Variants in SYNPO2 observed in about 807,000 individuals in gnomAD.
SYNPO2 encodes the protein synaptopodin-2.
A neutral mutation model predicts 85.0 loss-of-function variants in SYNPO2; 56 were observed. The observed-to-expected ratio is 0.66, with a 90% confidence interval of 0.53 to 0.82. SYNPO2 has a LOEUF of 0.82. Ranked by LOEUF, SYNPO2 falls within the 40% of genes least tolerant of loss-of-function variation. SYNPO2 has a pLI of 0.00. For missense variants in SYNPO2, 1,575 were observed against 1,534.2 expected (o/e 1.03, Z -0.44); for synonymous variants, 602 against 591.1 (o/e 1.02, Z -0.27).
intron 4 of SYNPO2, chr4:119,042,649 G>A (rs1296040369): frequency 6.6e-6 from 1 of 152,176 alleles, no homozygotes; most frequent in Non-Finnish European, 1.5e-5. Context: ...TGCATCATAG[G>A]GAAAGAGCCC....
rs901787028 is a variant in SYNPO2 at position 119,006,737 on chromosome 4, T to A, written c.106-16693T>A. Among the ~76,000 whole-genome samples, 3 of 152,288 alleles carry A rather than the reference T, an allele frequency of 2.0e-5. No individual in the cohort carries two copies. The South Asian group carries it at 6.2e-4, about 32-fold the overall frequency. ...TTATAACACTTGTAAAATTTAATTT[T>A]TTATGGATACATCTGGAAGTAGCTG... On this transcript the variant is annotated intron_variant, in intron 1 of 4. Coordinates refer to ENST00000307142, the MANE Select transcript of SYNPO2 (RefSeq NM_133477.3).
chr4:118,942,620 T>C (rs921077678), intron 1 of SYNPO2, among the ~76,000 whole-genome samples: 26 of 152,196 alleles, frequency 1.7e-4, no homozygotes, highest in African/African-American at 6.0e-4. Context: ...ATAAAGAGAA[T>C]GACTCATCTC....
Position 119,023,529 on chromosome 4 carries a change from G to A in SYNPO2, c.205G>A (p.Val69Ile). The change falls in exon 2 of 5, where the codon GTC (valine) becomes ATC (isoleucine). Residue 69 changes from valine to isoleucine, a missense_variant. Transcript: ENST00000307142. ...NPCADLTYPE[V>I]IKLMESITDS... Reference sequence around the variant, plus strand: ...TTGTGCAGATCTCACCTACCCTGAAGTCATCAAGCTCATGGAAAGCATAAC... The same window carrying A: ...TTGTGCAGATCTCACCTACCCTGAAATCATCAAGCTCATGGAAAGCATAAC... 1 of 1,613,516 alleles carries A rather than the reference G, an allele frequency of 6.2e-7. No homozygotes were observed. Among genetic ancestry groups the A allele is most frequent in the Non-Finnish European group, 8.5e-7 (1 of 1,179,744 alleles).
chr4:119,010,921 G>A (rs1168101313), intron 1 of SYNPO2, among the ~76,000 whole-genome samples: 1 of 152,242 alleles, frequency 6.6e-6, no homozygotes, highest in Non-Finnish European at 1.5e-5. Context: ...AGAGAGAGTA[G>A]CTGAGGGTTC....
At chr4:118,932,850 G>C (rs1560880367) in intron 1 of SYNPO2, among the ~76,000 whole-genome samples, 2 of 152,098 alleles carry the variant, frequency 1.3e-5, no homozygotes, top group Non-Finnish European at 2.9e-5. Context: ...GACTATGTGT[G>C]GTCCCTACAA....
At chr4:119,009,875 A>G (rs749830960) in intron 1 of SYNPO2, among the ~76,000 whole-genome samples, 4 of 152,226 alleles carry the variant, frequency 2.6e-5, no homozygotes, top group African/African-American at 4.8e-5. Context: ...GATCTCGTTA[A>G]AATGAAGATG....
chr4:118,864,868 A>C (rs762910988), intron 1 of SYNPO2, among the ~76,000 whole-genome samples: 6 of 152,124 alleles, frequency 3.9e-5, no homozygotes, highest in Non-Finnish European at 8.8e-5. Flanking sequence ...TTGCAGGCCA[A>C]GTTACAATAA....
intron 1 of SYNPO2, among the ~76,000 whole-genome samples, chr4:118,851,901 C>T (rs1268107081): frequency 6.8e-6 from 1 of 147,548 alleles, no homozygotes; most frequent in African/African-American, 2.5e-5. Context: ...ATAGTCTTTT[C>T]AGAAAACTGT....
chr4:118,995,244 A>C (rs1266390681), intron 1 of SYNPO2, among the ~76,000 whole-genome samples: 1 of 152,178 alleles, frequency 6.6e-6, no homozygotes, highest in African/African-American at 2.4e-5. Flanking sequence ...TTTGTGATGA[A>C]TCAAAGTCAT....
chr4:118,973,049 CTT>C (rs1735594985), intron 1 of SYNPO2, among the ~76,000 whole-genome samples: 2 of 152,110 alleles, frequency 1.3e-5, no homozygotes, highest in Middle Eastern at 6.8e-3. Flanking sequence ...GCATTTTTGA[CTT>C]ATGGTATTTT....
intron 1 of SYNPO2, among the ~76,000 whole-genome samples, chr4:118,903,783 C>T (rs1317956535): frequency 6.6e-6 from 1 of 151,856 alleles, no homozygotes; most frequent in Non-Finnish European, 1.5e-5. Context: ...GTGATCTCGG[C>T]TCACTGCAAC....
intron 1 of SYNPO2, among the ~76,000 whole-genome samples, chr4:118,875,435 T>C (rs1170462544): frequency 6.6e-6 from 1 of 152,218 alleles, no homozygotes; most frequent in Non-Finnish European, 1.5e-5. Context: ...ATATTGATCA[T>C]TGGATTGTAC....
intron 1 of SYNPO2, among the ~76,000 whole-genome samples, chr4:119,001,075 C>T (rs923456962): frequency 3.9e-5 from 6 of 152,190 alleles, no homozygotes; most frequent in African/African-American, 1.4e-4. Flanking sequence ...AAAGTCTCTC[C>T]ATTTTCATAC....
intron 1 of SYNPO2, among the ~76,000 whole-genome samples, chr4:118,910,887 C>T (rs1275196803): frequency 1.3e-5 from 2 of 152,066 alleles, no homozygotes; most frequent in Non-Finnish European, 2.9e-5. Flanking sequence ...GACTCCTCTC[C>T]CAACAAAACA....
At chr4:118,945,630 C>T (rs757083999) in intron 1 of SYNPO2, among the ~76,000 whole-genome samples, 1 of 152,206 alleles carries the variant, frequency 6.6e-6, no homozygotes, top group Non-Finnish European at 1.5e-5. Flanking sequence ...ACACAACATA[C>T]CTACCTCAAA....
chr4:119,017,040 GGT>G (rs1247663433), intron 1 of SYNPO2, among the ~76,000 whole-genome samples: 1 of 152,092 alleles, frequency 6.6e-6, no homozygotes, highest in Non-Finnish European at 1.5e-5. Flanking sequence ...GATATATCTT[GGT>G]GACAAGAGGA....
intron 1 of SYNPO2, among the ~76,000 whole-genome samples, chr4:118,896,849 A>T (rs1028016266): frequency 6.6e-6 from 1 of 152,196 alleles, no homozygotes; most frequent in Admixed American, 6.5e-5. Flanking sequence ...TCTCTAGATT[A>T]TGTAACAAAT....
chr4:118,897,290 C>A (rs1732580799), intron 1 of SYNPO2, among the ~76,000 whole-genome samples: 1 of 152,112 alleles, frequency 6.6e-6, no homozygotes. Context: ...CCCCCATGAT[C>A]CAATCCCCTC....
intron 1 of SYNPO2, among the ~76,000 whole-genome samples, chr4:119,009,580 T>C (rs541255282): frequency 6.6e-6 from 1 of 152,256 alleles, no homozygotes; most frequent in South Asian, 2.1e-4. Context: ...TTTCCTAAAG[T>C]ATTTTATAGA....
Sources: allele counts gnomAD v4.1 joint callset (sites outside exome capture counted in the v4.1 genomes callset), GRCh38; gene constraint gnomAD v4.1.1; transcripts MANE v1.5; gene names NCBI Gene and HGNC (gene_info 2026-07-23, HGNC 2026-07-21).